Variants in ABI3BP observed in about 807,000 individuals in gnomAD.
ABI3BP encodes ABI family member 3 binding protein, also known as target of Nesh-SH3.
In ABI3BP, 216 loss-of-function variants were observed where a neutral mutation model predicts 268.6. The ratio of observed to expected loss-of-function variants is 0.80; its 90% CI spans 0.72 to 0.90. ABI3BP has a LOEUF of 0.90. Ranked by LOEUF, ABI3BP falls within the 40% of genes least tolerant of loss-of-function variation. The pLI, the probability that ABI3BP is intolerant of heterozygous loss-of-function variation, is 0.00. For missense variants in ABI3BP, 2,090 were observed against 2,182.4 expected, an observed-to-expected ratio of 0.96 and a Z score of 0.84; for synonymous variants, 730 against 730.0, an observed-to-expected ratio of 1.00 and a Z score of 0.00.
intron 5 of ABI3BP, 149 bp downstream of exon 5, chr3:100,885,993 T>C: frequency 1.8e-6 from 1 of 564,786 alleles, no homozygotes; most frequent in South Asian, 4.3e-5. Context: ...CAATGCTCAA[T>C]ATATCTTCTT....
intron 1 of ABI3BP, among the ~76,000 whole-genome samples, chr3:100,972,658 A>G (rs1399559405): frequency 6.6e-6 from 1 of 151,990 alleles, no homozygotes; most frequent in Non-Finnish European, 1.5e-5. Context: ...TTTTTCCTGA[A>G]TGTTTTGGAT....
chr3:100,880,690 A>G (rs2099219398), intron 6 of ABI3BP, among the ~76,000 whole-genome samples: 1 of 152,290 alleles, frequency 6.6e-6, no homozygotes, highest in Middle Eastern at 3.4e-3. Context: ...GCTTCTTTAG[A>G]AATACCCACA....
At chr3:100,892,010 G>A (rs4928058) in intron 4 of ABI3BP, among the ~76,000 whole-genome samples, 114,404 of 152,192 alleles carry the variant, frequency 0.75, 44,436 homozygotes, top group Non-Finnish European at 0.85. Context: ...CATTGACGTC[G>A]TTTACTTCAG....
rs374862232 is a variant in ABI3BP at position 100,765,827 on chromosome 3, C to A, written c.4850+14G>T. On this transcript the variant is annotated intron_variant, in intron 63 of 67. Coordinates refer to ENST00000471714, the MANE Select transcript of ABI3BP (RefSeq NM_001375547.2). ...CACTCTCAGAATTTACCTGGAATAG[C>A]ACTGGTGGCTTACCTCGTGTTTGGT... 7.2e-5 allele frequency: 112 copies of A among 1,561,810 alleles called. 1 individual carries two copies. Among genetic ancestry groups the A allele is most frequent in the Non-Finnish European group, 9.7e-5 (111 of 1,138,538 alleles).
chr3:100,810,936 T>A (rs867412777), intron 48 of ABI3BP, among the ~76,000 whole-genome samples: 4 of 152,066 alleles, frequency 2.6e-5, no homozygotes, highest in Admixed American at 6.6e-5. Context: ...TCTGAAACAT[T>A]CAACACAATG....
In ABI3BP at chr3:100,825,843, A is replaced by G; in HGVS notation, c.2604T>C (p.Val868=). The G allele has an allele frequency of 6.5e-7, 1 of 1,533,438 alleles. No individual in the cohort carries two copies. Among genetic ancestry groups the G allele is most frequent in the Non-Finnish European group, 8.7e-7 (1 of 1,144,500 alleles). 95.0% of individuals were successfully genotyped at this position (1,533,438 alleles called of 1,614,324 possible). Residue 868 remains valine, a splice_region_variant and synonymous_variant, in exon 35 of 68, where the codon GTT becomes GTC. Coordinates refer to ENST00000471714, the MANE Select transcript of ABI3BP (RefSeq NM_001375547.2). ...TAACAGGCTCGAGGTCTGTAACAGGAACTGAAGTAATAAGATAAACAAAAG... is the reference window on the plus strand; with the variant it reads ...TAACAGGCTCGAGGTCTGTAACAGGGACTGAAGTAATAAGATAAACAAAAG... ...PIKEAPGTTF[V]PVTDLEPVTF...
rs528206643 is a variant in ABI3BP, at chr3:100,822,643, G to C, written c.2833C>G (p.Pro945Ala). The part of the protein sequence containing the change: ...ASKTSQRTRR[P>A]RLRTKTTPRP... Reference sequence around the variant, plus strand: ...GGTGTGGTTTTTGTTCTGAGACGTGGACGACGTGTCCGTTGTGATGTTTTG... The same window carrying C: ...GGTGTGGTTTTTGTTCTGAGACGTGCACGACGTGTCCGTTGTGATGTTTTG... The change falls in exon 38 of 68, where the codon CCA becomes GCA. Residue 945 changes from proline to alanine, a missense_variant. Physicochemically the swap from Pro to Ala is conservative, Grantham distance 27 (BLOSUM62 -1). Coordinates refer to ENST00000471714, the MANE Select transcript of ABI3BP (RefSeq NM_001375547.2). 6.5e-7 allele frequency: 1 copy of C among 1,536,640 alleles called. No homozygotes were observed. The highest frequency in any genetic ancestry group is 8.7e-7 in the Non-Finnish European group (1 of 1,146,984).
At chr3:100,911,859 G>A (rs778959160) in intron 2 of ABI3BP, 36 of 1,599,076 alleles carry the variant, frequency 2.3e-5, no homozygotes, top group East Asian at 4.5e-5. Flanking sequence ...CTCTCTAAAC[G>A]TCATGATCTG....
intron 64 of ABI3BP, 71 bp downstream of exon 64, chr3:100,754,541 T>C: frequency 6.9e-7 from 1 of 1,444,988 alleles, no homozygotes; most frequent in Non-Finnish European, 9.5e-7. Context: ...TCAAACAAAC[T>C]TCCTACGCAA....
At chr3:100,909,099 C>T (rs1410990153) in intron 2 of ABI3BP, among the ~76,000 whole-genome samples, 2 of 152,106 alleles carry the variant, frequency 1.3e-5, no homozygotes, top group East Asian at 1.9e-4. Context: ...TCAGAAATAA[C>T]AGCACGCATC....
chr3:100,922,593 G>A (rs1366701110), intron 2 of ABI3BP, among the ~76,000 whole-genome samples: 1 of 151,720 alleles, frequency 6.6e-6, no homozygotes, highest in Non-Finnish European at 1.5e-5. Flanking sequence ...TGATGGTGAT[G>A]TGACGTGACG....
chr3:100,933,959 G>C (rs1448455328), intron 1 of ABI3BP, among the ~76,000 whole-genome samples: 1 of 151,750 alleles, frequency 6.6e-6, no homozygotes, highest in Admixed American at 6.6e-5. Flanking sequence ...TTCCAATAGA[G>C]TGATTTTCTT....
intron 57 of ABI3BP, among the ~76,000 whole-genome samples, chr3:100,782,825 A>G (rs1477581349): frequency 6.6e-6 from 1 of 152,180 alleles, no homozygotes; most frequent in African/African-American, 2.4e-5. Flanking sequence ...ACAAATTCTC[A>G]GGAATTGGCA....
At chr3:100,883,847 A>G (rs919791225) in intron 6 of ABI3BP, among the ~76,000 whole-genome samples, 1 of 152,120 alleles carries the variant, frequency 6.6e-6, no homozygotes, top group African/African-American at 2.4e-5. Context: ...TAAACCTATC[A>G]TAAGTGTTCA....
intron 14 of ABI3BP, among the ~76,000 whole-genome samples, chr3:100,853,068 T>C (rs538092238): frequency 6.6e-6 from 1 of 152,320 alleles, no homozygotes; most frequent in East Asian, 1.9e-4. Flanking sequence ...AGTTTAATGC[T>C]TTTGAGCCAG....
chr3:100,988,024 T>C (rs1488266042), intron 1 of ABI3BP, among the ~76,000 whole-genome samples: 1 of 152,214 alleles, frequency 6.6e-6, no homozygotes, highest in Non-Finnish European at 1.5e-5. Flanking sequence ...ACGTACTGTT[T>C]AATACAGTCC....
intron 14 of ABI3BP, among the ~76,000 whole-genome samples, chr3:100,860,113 G>T (rs925198995): frequency 6.6e-6 from 1 of 152,072 alleles, no homozygotes; most frequent in Admixed American, 6.5e-5. Flanking sequence ...TGTTCATATC[G>T]CCTGGGCATC....
chr3:100,818,450 T>A (rs560920444), intron 41 of ABI3BP, 75 bp downstream of exon 41: 3 of 1,230,098 alleles, frequency 2.4e-6, no homozygotes, highest in Non-Finnish European at 3.4e-6. Context: ...GGTCTTATGA[T>A]GAAGAAGAAA....
At chr3:100,896,411 T>C (rs1489514571) in intron 4 of ABI3BP, among the ~76,000 whole-genome samples, 1 of 152,192 alleles carries the variant, frequency 6.6e-6, no homozygotes, top group Non-Finnish European at 1.5e-5. Flanking sequence ...TAGATTCTTT[T>C]ACAGAAGTGT....
Sources: gnomAD v4.1 joint callset for allele counts (sites outside exome capture counted in the v4.1 genomes callset) on GRCh38, gnomAD v4.1.1 for gene constraint, MANE v1.5 for transcripts, NCBI Gene and HGNC (gene_info 2026-07-23, HGNC 2026-07-21) for gene names.